STUM: variants seen among roughly 807,000 people sequenced by gnomAD.
STUM encodes protein stum homolog.
In STUM, 8 loss-of-function variants were observed where a neutral mutation model predicts 15.3. The observed-to-expected ratio is 0.52, with a 90% CI of 0.31 to 0.94. The LOEUF is 0.94. STUM is among the 40% of genes least tolerant of loss of function. STUM has a pLI of 0.05. For missense variants in STUM, 142 were observed against 204.9 expected (o/e 0.69, Z 1.87); for synonymous variants, 78 against 88.7 (o/e 0.88, Z 0.68).
chr1:226,575,549 G>A (rs1667795755), intron 1 of STUM, among the ~76,000 whole-genome samples: 1 of 152,212 alleles, frequency 6.6e-6, no homozygotes, highest in Admixed American at 6.5e-5. Flanking sequence ...GAACAGAGTG[G>A]GGGGTGGCTA....
chr1:226,557,334 A>T (rs1667462375), intron 1 of STUM, among the ~76,000 whole-genome samples: 1 of 152,236 alleles, frequency 6.6e-6, no homozygotes, highest in Admixed American at 6.5e-5. Context: ...ATATTTATAT[A>T]CCGCCTTTTA....
chr1:226,549,904 A>G lies in STUM; in HGVS notation c.202+798A>G, dbSNP rs1335900851. On this transcript the variant is annotated intron_variant, in intron 1 of 3. Coordinates refer to ENST00000366788, the MANE Select transcript of STUM (RefSeq NM_001003665.4). This position sits in a 1 kb window ranked among gnomAD's most constrained non-coding sequence, Gnocchi z 6.8. ...TTTAAAGCAGAGGCCCCTTACAGAG[A>G]TGGTGCAGGAGGGTGAATGGAGGCA... Among the ~76,000 whole-genome samples the G allele has an allele frequency of 6.6e-6, 1 of 152,128 alleles. No individual in the cohort carries two copies. The highest frequency in any genetic ancestry group is 2.4e-5 in the African/African-American group (1 of 41,418).
intron 1 of STUM, among the ~76,000 whole-genome samples, chr1:226,581,693 G>C (rs1208914481): frequency 6.6e-6 from 1 of 152,172 alleles, no homozygotes; most frequent in Non-Finnish European, 1.5e-5. Context: ...TAGTGGGTGG[G>C]GAGAAGAACT....
chr1:226,598,106 C>G (rs545159276), intron 2 of STUM, among the ~76,000 whole-genome samples: 1 of 152,344 alleles, frequency 6.6e-6, no homozygotes, highest in African/African-American at 2.4e-5. Flanking sequence ...ATCTCATCCT[C>G]TGGGCATGTC....
intron 1 of STUM, among the ~76,000 whole-genome samples, chr1:226,595,221 G>C (rs1668159638): frequency 6.6e-6 from 1 of 152,206 alleles, no homozygotes; most frequent in African/African-American, 2.4e-5. Context: ...GTAAAGGCAG[G>C]AGAAGATAAA....
At chr1:226,581,531 A>T (rs1321791400) in intron 1 of STUM, among the ~76,000 whole-genome samples, 1 of 152,182 alleles carries the variant, frequency 6.6e-6, no homozygotes, top group African/African-American at 2.4e-5. Context: ...ACAGGGCAAG[A>T]GTGTATGAGC....
At position 226,568,189 on chromosome 1, in the gene STUM, C is replaced by T. The variant is rs1047816005; in HGVS notation, c.202+19083C>T. Among the ~76,000 whole-genome samples the T allele has an allele frequency of 9.8e-5, 15 of 152,290 alleles. No homozygotes were observed. In the East Asian group the frequency reaches 1.4e-3, roughly 14 times the overall value. On this transcript the variant is annotated intron_variant, in intron 1 of 3. Coordinates refer to ENST00000366788, the MANE Select transcript of STUM (RefSeq NM_001003665.4). ...CCATTCTGCAGGCTCTGGCAACGGCCGGCAGCTGCTGCTGATTTGTGATTT... is the reference window on the plus strand; with the variant it reads ...CCATTCTGCAGGCTCTGGCAACGGCTGGCAGCTGCTGCTGATTTGTGATTT...
At chr1:226,593,908 C>T (rs1468121548) in intron 1 of STUM, among the ~76,000 whole-genome samples, 1 of 152,154 alleles carries the variant, frequency 6.6e-6, no homozygotes, top group Non-Finnish European at 1.5e-5. Context: ...TGGGACCCCG[C>T]ATTTTTAACA....
intron 1 of STUM, among the ~76,000 whole-genome samples, chr1:226,592,766 T>A (rs1045188966): frequency 2.2e-4 from 33 of 152,314 alleles, no homozygotes; most frequent in South Asian, 2.1e-4. Context: ...GGCACACACT[T>A]CCTAATAGTC....
At position 226,549,603 on chromosome 1, in the gene STUM, G is replaced by T. The variant is rs1452710553; in HGVS notation, c.202+497G>T. ...ACGAGCCGGGCTAGATATACCTGCA[G>T]CCCCCTTTGGTTCGCGGAGTGCGGA... On this transcript the variant is annotated intron_variant, in intron 1 of 3. Transcript: ENST00000366788. The surrounding 1 kb of genome is among the most constrained non-coding windows in gnomAD (Gnocchi z 6.8). Among the ~76,000 whole-genome samples, 1 of 152,224 alleles carries T rather than the reference G, an allele frequency of 6.6e-6. No homozygotes were observed. Among genetic ancestry groups the T allele is most frequent in the African/African-American group, 2.4e-5 (1 of 41,468 alleles).
At position 226,596,856 on chromosome 1, in the gene STUM, A is replaced by G. The variant is rs749638369; in HGVS notation, c.257A>G (p.Asp86Gly). The change falls in exon 2 of 4, where the codon GAC becomes GGC. Residue 86 changes from aspartate to glycine, a missense_variant. Physicochemically the swap from Asp to Gly is moderately conservative, Grantham distance 94 (BLOSUM62 -1). Coordinates refer to ENST00000366788, the MANE Select transcript of STUM (RefSeq NM_001003665.4). ...TGCGGGGCCCGCACCGACCTCCCGGACAGGCATGTGTGCTGCGTCTTCTGG... is the reference window on the plus strand; with the variant it reads ...TGCGGGGCCCGCACCGACCTCCCGGGCAGGCATGTGTGCTGCGTCTTCTGG... ...VLCGARTDLP[D>G]RHVCCVFWLN... 6.2e-7 allele frequency: 1 copy of G among 1,614,090 alleles called. No homozygotes were observed. The highest frequency in any genetic ancestry group is 8.5e-7 in the Non-Finnish European group (1 of 1,180,038).
At chr1:226,566,222 G>A (rs897649036) in intron 1 of STUM, among the ~76,000 whole-genome samples, 2 of 152,122 alleles carry the variant, frequency 1.3e-5, no homozygotes, top group Non-Finnish European at 2.9e-5. Flanking sequence ...ATCAAAATAC[G>A]CCTATTATGT....
chr1:226,577,688 G>A (rs1264187858), intron 1 of STUM, among the ~76,000 whole-genome samples: 1 of 152,142 alleles, frequency 6.6e-6, no homozygotes, highest in Non-Finnish European at 1.5e-5. Context: ...CTGAAAGGGA[G>A]GGGGGGCCAG....
chr1:226,566,437 G>A (rs549514566), intron 1 of STUM, among the ~76,000 whole-genome samples: 4 of 152,206 alleles, frequency 2.6e-5, no homozygotes, highest in Admixed American at 6.5e-5. Flanking sequence ...AAATCACAGC[G>A]GCAGAAGCTT....
chr1:226,549,162 G>A lies in STUM; in HGVS notation c.202+56G>A. On this transcript the variant is annotated intron_variant, in intron 1 of 3. Coordinates refer to ENST00000366788, the MANE Select transcript of STUM (RefSeq NM_001003665.4). This position sits in a 1 kb window ranked among gnomAD's most constrained non-coding sequence, Gnocchi z 6.8. ...CCCCACCCCGCCGCGGGAGGGCGTG[G>A]GGGGAGAGAAGGGCGCGGCCGGAGA... The A allele has an allele frequency of 6.7e-7, 1 of 1,482,400 alleles. No individual in the cohort carries two copies. Among genetic ancestry groups the A allele is most frequent in the Non-Finnish European group, 9.1e-7 (1 of 1,098,536 alleles). 91.8% of individuals were successfully genotyped at this position (1,482,400 alleles called of 1,614,324 possible).
rs781648763 is a variant in STUM at position 226,549,803 on chromosome 1, T to C, written c.202+697T>C. Among the ~76,000 whole-genome samples, 2 of 152,086 alleles carry C rather than the reference T, an allele frequency of 1.3e-5. No individual in the cohort carries two copies. The highest frequency in any genetic ancestry group is 2.4e-5 in the African/African-American group (1 of 41,424). ...TCGGATCCCTTCTGTTCCTGAGAAG[T>C]AGAGAGTGCGCCGATGTAATTCTGT... On this transcript the variant is annotated intron_variant, in intron 1 of 3. Coordinates refer to ENST00000366788, the MANE Select transcript of STUM (RefSeq NM_001003665.4). The surrounding 1 kb of genome is among the most constrained non-coding windows in gnomAD (Gnocchi z 6.8).
At chr1:226,594,312 G>C (rs1159516517) in intron 1 of STUM, among the ~76,000 whole-genome samples, 2 of 152,208 alleles carry the variant, frequency 1.3e-5, no homozygotes, top group Non-Finnish European at 2.9e-5. Context: ...ATAAGGCAGG[G>C]TCAGTTTCAG....
rs1668185067 is a variant in STUM at position 226,596,705 on chromosome 1, T to G, written c.203-97T>G. The G allele has an allele frequency of 3.6e-6, 4 of 1,124,332 alleles. No individual in the cohort carries two copies. In the African/African-American group the frequency reaches 6.2e-5, roughly 17 times the overall value. 69.6% of individuals were successfully genotyped at this position (1,124,332 alleles called of 1,614,324 possible). ...CATCGGTGGTTCTTCTCTGAGTTCT[T>G]GGAGGGTGGACAGCTGGGCCCCAGG... On this transcript the variant is annotated intron_variant, in intron 1 of 3. Coordinates refer to ENST00000366788, the MANE Select transcript of STUM (RefSeq NM_001003665.4).
At chr1:226,583,032 TC>T (rs1455458763) in intron 1 of STUM, among the ~76,000 whole-genome samples, 1 of 152,244 alleles carries the variant, frequency 6.6e-6, no homozygotes, top group Admixed American at 6.5e-5. Flanking sequence ...GCTGCGGCCA[TC>T]CGCATGTGGT....
Sources: allele counts gnomAD v4.1 joint callset (sites outside exome capture counted in the v4.1 genomes callset), GRCh38; gene constraint gnomAD v4.1.1; non-coding constraint Gnocchi (gnomAD v3.1); transcripts MANE v1.5; gene names NCBI Gene and HGNC (gene_info 2026-07-23, HGNC 2026-07-21).